Variants in ZNF423 observed in about 807,000 individuals in gnomAD.
ZNF423 encodes zinc finger protein 423.
A neutral mutation model predicts 95.8 loss-of-function variants in ZNF423; 12 were observed. The ratio of observed to expected loss-of-function variants is 0.13; its 90% CI spans 0.08 to 0.20. The LOEUF (loss-of-function observed/expected upper bound fraction) is 0.20. ZNF423 is among the 10% of genes least tolerant of loss of function. ZNF423 has a pLI of 1.00. For synonymous variants in ZNF423, 749 were observed against 711.9 expected (o/e 1.05, Z -0.83); for missense variants, 1,316 against 1,737.1 (o/e 0.76, Z 4.31).
At chr16:49,625,286 G>A (rs1972219996) in intron 5 of ZNF423, among the ~76,000 whole-genome samples, 1 of 152,218 alleles carries the variant, frequency 6.6e-6, no homozygotes, top group African/African-American at 2.4e-5. Flanking sequence ...CCGGGTGGCA[G>A]AGGTTGCAGT....
chr16:49,640,503 A>T (rs1410496819), intron 3 of ZNF423, among the ~76,000 whole-genome samples: 1 of 152,150 alleles, frequency 6.6e-6, no homozygotes, highest in Non-Finnish European at 1.5e-5. Flanking sequence ...GCCGATCCTA[A>T]GACTTAAAGA....
At chr16:49,829,037 T>C (rs1049572771) in intron 1 of ZNF423, among the ~76,000 whole-genome samples, 1 of 152,178 alleles carries the variant, frequency 6.6e-6, no homozygotes, top group African/African-American at 2.4e-5. Context: ...TTTTCTCCTC[T>C]ATCCCCAGTC....
At position 49,635,827 on chromosome 16, in the gene ZNF423, G is replaced by A; in HGVS notation, c.3349C>T (p.Pro1117Ser). ...SANGQVGGLA[P>S]PEPADRPCAG... ...CAGGGCCGGTCGGCGGGCTCGGGCG[G>A]GGCCAGGCCACCCACCTGTCCGTTG... Residue 1117 changes from proline to serine, a missense_variant, in exon 4 of 8, where the codon CCG becomes TCG. Transcript: ENST00000563137. The surrounding 1 kb of genome is among the most constrained non-coding windows in gnomAD (Gnocchi z 4.8). 1.2e-6 allele frequency: 2 copies of A among 1,607,388 alleles called. No individual in the cohort carries two copies. Among genetic ancestry groups the A allele is most frequent in the African/African-American group, 1.3e-5 (1 of 74,792 alleles).
At chr16:49,639,925 GGCGGGGGCCGAGCAGAGCCA>G (rs1972912377) in intron 3 of ZNF423, among the ~76,000 whole-genome samples, 2 of 152,192 alleles carry the variant, frequency 1.3e-5, no homozygotes, top group South Asian at 4.1e-4. Context: ...GACATTCCCC[GGCGGGGGCCGAGCAGAGCCA>G]GCCCGGGCAG....
chr16:49,544,370 C>T (rs530552655), intron 5 of ZNF423, among the ~76,000 whole-genome samples: 23 of 152,240 alleles, frequency 1.5e-4, no homozygotes, highest in East Asian at 5.8e-4. Context: ...TCTGAACGTA[C>T]GCTATACTTC....
intron 3 of ZNF423, among the ~76,000 whole-genome samples, chr16:49,719,174 G>A (rs935473913): frequency 6.6e-6 from 1 of 152,158 alleles, no homozygotes; most frequent in African/African-American, 2.4e-5. Context: ...TCTCTGGGGG[G>A]CTCTGGCCTT....
intron 3 of ZNF423, among the ~76,000 whole-genome samples, chr16:49,716,475 A>G (rs977469546): frequency 6.6e-6 from 1 of 152,050 alleles, no homozygotes; most frequent in African/African-American, 2.4e-5. Context: ...CCTCATACCC[A>G]TGACGTCATT....
At chr16:49,651,876 CCAA>C (rs1384306317) in intron 3 of ZNF423, among the ~76,000 whole-genome samples, 1 of 152,174 alleles carries the variant, frequency 6.6e-6, no homozygotes, top group Non-Finnish European at 1.5e-5. Context: ...TGATTGATAA[CCAA>C]CAGGGTCTAA....
intron 1 of ZNF423, among the ~76,000 whole-genome samples, chr16:49,814,238 C>T (rs1407252923): frequency 2.0e-5 from 3 of 151,856 alleles, no homozygotes; most frequent in African/African-American, 4.8e-5. Context: ...TCAGGCATCA[C>T]CTGTAAAATG....
At chr16:49,716,873 G>A (rs570057862) in intron 3 of ZNF423, among the ~76,000 whole-genome samples, 5 of 152,148 alleles carry the variant, frequency 3.3e-5, no homozygotes, top group South Asian at 2.1e-4. Context: ...CCCAGTCAGC[G>A]GGAGATAAAT....
At chr16:49,832,170 G>A (rs954891591) in intron 1 of ZNF423, among the ~76,000 whole-genome samples, 2 of 152,142 alleles carry the variant, frequency 1.3e-5, no homozygotes, top group African/African-American at 4.8e-5. Flanking sequence ...TCCAACTCCA[G>A]CCCTGAAGCT....
At chr16:49,733,853 C>T (rs1026894734) in intron 2 of ZNF423, among the ~76,000 whole-genome samples, 4 of 152,164 alleles carry the variant, frequency 2.6e-5, no homozygotes, top group African/African-American at 4.8e-5. Flanking sequence ...GGCCTCCACC[C>T]CAGGCAGGGT....
At chr16:49,609,812 A>T (rs1479713322) in intron 5 of ZNF423, among the ~76,000 whole-genome samples, 1 of 152,210 alleles carries the variant, frequency 6.6e-6, no homozygotes, top group East Asian at 1.9e-4. Context: ...TTGGCAAGAG[A>T]TGTAGATGTA....
intron 3 of ZNF423, among the ~76,000 whole-genome samples, chr16:49,720,401 T>C (rs1296385798): frequency 6.6e-6 from 1 of 152,096 alleles, no homozygotes; most frequent in African/African-American, 2.4e-5. Context: ...TAGTCCCCTG[T>C]CCACCCTGGG....
rs111933684 is a variant in ZNF423, at chr16:49,554,076, C to T, written c.3602-28582G>A. 8.1e-3 allele frequency among the ~76,000 whole-genome samples: 1,232 copies of T among 152,300 alleles called. 3 individuals are homozygous for T. The highest frequency in any genetic ancestry group is 0.013 in the Non-Finnish European group (863 of 68,016). On this transcript the variant is annotated intron_variant, in intron 5 of 7. Coordinates refer to ENST00000563137, the MANE Select transcript of ZNF423 (RefSeq NM_001379286.1). Reference sequence around the variant, plus strand: ...CCCCCACAACAATGATATCTTTTCTCTCCTGACACTGGCACTGGGCAGACT... The same window carrying T: ...CCCCCACAACAATGATATCTTTTCTTTCCTGACACTGGCACTGGGCAGACT...
intron 3 of ZNF423, among the ~76,000 whole-genome samples, chr16:49,709,224 C>G: frequency 6.8e-6 from 1 of 146,420 alleles, no homozygotes; most frequent in Non-Finnish European, 1.5e-5. Context: ...GCCAAGGAAA[C>G]AAAGCTGACT....
rs116537749 is a variant in ZNF423, at chr16:49,789,500, G to A, written c.87C>T (p.Ser29=). The A allele has an allele frequency of 3.7e-4, 603 of 1,612,388 alleles. 3 individuals carry two copies. The African/African-American group carries it at 6.3e-3, about 17-fold the overall frequency. The change falls in exon 2 of 8, where the codon TCC becomes TCT. Residue 29 remains serine (S), a synonymous_variant. Coordinates refer to ENST00000563137, the MANE Select transcript of ZNF423 (RefSeq NM_001379286.1). ...CCGGGCATTTACCTGCTGCTGTCACGGAGGAATCCCAGGCCAGCGAGAAGT... is the reference window on the plus strand; with the variant it reads ...CCGGGCATTTACCTGCTGCTGTCACAGAGGAATCCCAGGCCAGCGAGAAGT... ...ASDFSLAWDS[S]VTAAGGLEGE... is the part of the protein sequence containing the mutation.
rs2151881362 is a variant in ZNF423 at position 49,635,987 on chromosome 16, G to A, written c.3189C>T (p.Pro1063=). 5 of 1,601,272 alleles carry A rather than the reference G, an allele frequency of 3.1e-6. No individual in the cohort carries two copies. Among genetic ancestry groups the A allele is most frequent in the Non-Finnish European group, 4.3e-6 (5 of 1,172,042 alleles). ...KLAGSSAASS[P]NGQGLQKLYK... ...AGAGCTTCTGCAGCCCCTGGCCATT[G>A]GGGGAGGACGCCGCTGAGCTGCCCG... is the stretch of plus-strand genomic sequence containing the variant. Residue 1063 remains proline, a synonymous_variant, in exon 4 of 8, where the codon CCC becomes CCT. Coordinates refer to ENST00000563137, the MANE Select transcript of ZNF423 (RefSeq NM_001379286.1). The surrounding 1 kb of genome is among the most constrained non-coding windows in gnomAD (Gnocchi z 4.8).
chr16:49,743,904 A>G (rs2033467319), intron 2 of ZNF423, among the ~76,000 whole-genome samples: 1 of 152,160 alleles, frequency 6.6e-6, no homozygotes, highest in South Asian at 2.1e-4. Context: ...GCCTGGAGAA[A>G]AGGGAGCAGG....
Sources: gnomAD v4.1 joint callset for allele counts (sites outside exome capture counted in the v4.1 genomes callset) on GRCh38, gnomAD v4.1.1 for gene constraint, Gnocchi (gnomAD v3.1) non-coding constraint, MANE v1.5 for transcripts, NCBI Gene and HGNC (gene_info 2026-07-23, HGNC 2026-07-21) for gene names.